Variants in PDE4B observed in about 807,000 individuals in gnomAD.
PDE4B encodes 3',5'-cyclic-AMP phosphodiesterase 4B.
In PDE4B, 20 loss-of-function variants were observed where a neutral mutation model predicts 82.2. That is an observed-to-expected ratio of 0.24 (90% CI 0.17 to 0.35). The LOEUF is 0.35. PDE4B is among the 10% of genes least tolerant of loss of function. The pLI is 1.00. For missense variants in PDE4B, 655 were observed against 907.2 expected (o/e 0.72, Z 3.57); for synonymous variants, 320 against 318.9 (o/e 1.00, Z -0.04).
intron 7 of PDE4B, among the ~76,000 whole-genome samples, chr1:66,316,219 C>T (rs896207955): frequency 3.9e-5 from 6 of 152,140 alleles, no homozygotes; most frequent in Admixed American, 6.5e-5. Flanking sequence ...GTTTCTGCAA[C>T]GAACTTTGTA....
At chr1:66,067,874 C>G (rs1022736264) in intron 3 of PDE4B, among the ~76,000 whole-genome samples, 1 of 143,486 alleles carries the variant, frequency 7.0e-6, no homozygotes, top group African/African-American at 2.6e-5. Context: ...ATTTTTCACT[C>G]ATAGGTGGGA....
At position 66,268,398 on chromosome 1, in the gene PDE4B, G is replaced by A. The variant is rs186728822; in HGVS notation, c.634+2311G>A. On this transcript the variant is annotated intron_variant, in intron 7 of 16. Transcript: ENST00000341517. The stretch of plus-strand genomic sequence containing the variant: ...GAAATACCCCTCTTCGGCCAGGCAT[G>A]GTGGCTCATGCCTGTAATCCCAACA... 2.0e-5 allele frequency among the ~76,000 whole-genome samples: 3 copies of A among 152,238 alleles called. No homozygotes were observed. The East Asian group carries it at 5.8e-4, about 29-fold the overall frequency.
At chr1:65,886,351 C>T (rs115259825) in intron 1 of PDE4B, among the ~76,000 whole-genome samples, 1 of 151,994 alleles carries the variant, frequency 6.6e-6, no homozygotes, top group African/African-American at 2.4e-5. Context: ...TGTGTATCAC[C>T]TTGAATATGT....
At chr1:65,986,327 G>A (rs1037300233) in intron 3 of PDE4B, among the ~76,000 whole-genome samples, 4 of 152,148 alleles carry the variant, frequency 2.6e-5, no homozygotes, top group African/African-American at 4.8e-5. Context: ...GCCAATGCTG[G>A]TGGAGTACAG....
intron 5 of PDE4B, 34 bp downstream of exon 5, chr1:66,257,717 T>G: frequency 6.2e-7 from 1 of 1,611,596 alleles, no homozygotes; most frequent in Non-Finnish European, 8.5e-7. Context: ...TTGCTTTCAC[T>G]GTCGCTGGTT....
At chr1:65,845,023 A>G (rs1394743289) in intron 1 of PDE4B, among the ~76,000 whole-genome samples, 1 of 152,142 alleles carries the variant, frequency 6.6e-6, no homozygotes, top group East Asian at 1.9e-4. Context: ...AACTACAGTG[A>G]AGAGTTCTGC....
chr1:66,374,282 C>G lies in PDE4B; in HGVS notation c.*1604C>G, dbSNP rs572396746. ...AAATGTGAACTGATGTAGCAAATTA[C>G]GCAAATGTGAAGCCTCTTCTGATAA... On this transcript the variant is annotated 3_prime_UTR_variant, in exon 17 of 17. Transcript: ENST00000341517. 6.6e-6 allele frequency: 1 copy of G among 152,616 alleles called. No individual in the cohort carries two copies. The highest frequency in any genetic ancestry group is 2.1e-4 in the South Asian group (1 of 4,836). The allele number at this position is 152,616 out of a possible 1,614,324, so 9.5% of individuals were successfully genotyped here.
At chr1:65,853,570 G>A (rs773700188) in intron 1 of PDE4B, among the ~76,000 whole-genome samples, 17 of 147,762 alleles carry the variant, frequency 1.2e-4, no homozygotes, top group South Asian at 2.1e-4. Flanking sequence ...TCACTCTGTC[G>A]CCAGGCTAGA....
chr1:66,256,946 ATG>A (rs1170027797), intron 4 of PDE4B, among the ~76,000 whole-genome samples: 1 of 152,232 alleles, frequency 6.6e-6, no homozygotes, highest in East Asian at 1.9e-4. Context: ...TTCTCAAAGT[ATG>A]TGCCAGAGAG....
chr1:65,869,346 C>G (rs1409529020), intron 1 of PDE4B, among the ~76,000 whole-genome samples: 8 of 152,106 alleles, frequency 5.3e-5, no homozygotes. Context: ...TTATATCATT[C>G]AAGAATTTTT....
At chr1:66,101,519 C>A (rs553261646) in intron 3 of PDE4B, among the ~76,000 whole-genome samples, 1 of 152,260 alleles carries the variant, frequency 6.6e-6, no homozygotes, top group East Asian at 1.9e-4. Context: ...TTAATGATCG[C>A]CATTCTAACT....
intron 3 of PDE4B, among the ~76,000 whole-genome samples, chr1:66,164,428 C>T (rs138268896): frequency 0.027 from 4,051 of 148,854 alleles, 78 homozygotes; most frequent in Non-Finnish European, 0.04. Context: ...CTCAGCTACT[C>T]GGGAGGCTGA....
At chr1:66,060,093 C>T (rs916722304) in intron 3 of PDE4B, among the ~76,000 whole-genome samples, 2 of 152,122 alleles carry the variant, frequency 1.3e-5, no homozygotes, top group African/African-American at 2.4e-5. Flanking sequence ...GCATAGCATG[C>T]CCCCTGAATG....
At chr1:65,943,656 C>T (rs1648557170) in intron 3 of PDE4B, among the ~76,000 whole-genome samples, 1 of 151,820 alleles carries the variant, frequency 6.6e-6, no homozygotes, top group South Asian at 2.1e-4. Flanking sequence ...CTCCATATAT[C>T]CGAGTCTTCT....
At chr1:66,313,877 T>C (rs748898106) in intron 7 of PDE4B, among the ~76,000 whole-genome samples, 1 of 152,158 alleles carries the variant, frequency 6.6e-6, no homozygotes, top group African/African-American at 2.4e-5. Context: ...CTCCACTTGT[T>C]ATGGATGCAC....
intron 3 of PDE4B, among the ~76,000 whole-genome samples, chr1:66,142,471 T>C (rs984095699): frequency 3.3e-5 from 5 of 152,212 alleles, no homozygotes; most frequent in African/African-American, 1.2e-4. Context: ...TTGAATTTTG[T>C]TGCAGTATGC....
intron 7 of PDE4B, among the ~76,000 whole-genome samples, chr1:66,282,997 A>G (rs1656401878): frequency 6.6e-6 from 1 of 152,164 alleles, no homozygotes; most frequent in Admixed American, 6.5e-5. Context: ...TTATTTTTAT[A>G]ATCCCTGTTA....
intron 1 of PDE4B, among the ~76,000 whole-genome samples, chr1:65,892,658 C>T (rs1479167810): frequency 3.3e-5 from 5 of 152,042 alleles, no homozygotes; most frequent in African/African-American, 1.2e-4. Context: ...CTCTCTTCTT[C>T]CACTTCATCA....
intron 3 of PDE4B, among the ~76,000 whole-genome samples, chr1:65,960,961 GA>G (rs1411415619): frequency 2.0e-5 from 3 of 151,938 alleles, no homozygotes; most frequent in Non-Finnish European, 4.4e-5. Flanking sequence ...AACATTTTTG[GA>G]CTCCTGGTAA....
Sources: allele counts gnomAD v4.1 joint callset (sites outside exome capture counted in the v4.1 genomes callset), GRCh38; gene constraint gnomAD v4.1.1; transcripts MANE v1.5; gene names NCBI Gene and HGNC (gene_info 2026-07-23, HGNC 2026-07-21).